ELAVL2: variants seen among roughly 807,000 people sequenced by gnomAD.
ELAVL2 encodes ELAV-like protein 2.
A neutral mutation model predicts 34.6 loss-of-function variants in ELAVL2; 4 were observed. The observed-to-expected ratio is 0.12, with a 90% CI of 0.06 to 0.26. ELAVL2 has a LOEUF of 0.26. ELAVL2 is among the 10% of genes least tolerant of loss of function. ELAVL2 has a pLI of 1.00. For synonymous variants in ELAVL2, 193 were observed against 154.8 expected, an observed-to-expected ratio of 1.25 and a Z score of -1.83; for missense variants, 432 against 442.8, an observed-to-expected ratio of 0.98 and a Z score of 0.22.
chr9:23,778,580 T>A (rs2058590485), intron 1 of ELAVL2, among the ~76,000 whole-genome samples: 1 of 152,170 alleles, frequency 6.6e-6, no homozygotes, highest in Admixed American at 6.5e-5. Context: ...TTCCGGCCCC[T>A]GCAAGGGCTG....
the ELAVL2 span, among the ~76,000 whole-genome samples, chr9:23,844,499 T>C: frequency 1.3e-5 from 2 of 152,034 alleles, no homozygotes; most frequent in African/African-American, 4.8e-5. Context: ...AATTCAAAAG[T>C]CTAGATTTCT....
At chr9:23,736,660 A>G (rs1306753774) in intron 2 of ELAVL2, among the ~76,000 whole-genome samples, 4 of 152,180 alleles carry the variant, frequency 2.6e-5, no homozygotes, top group African/African-American at 9.7e-5. Context: ...CTACCAGCTA[A>G]ATCGGCCCCT....
the ELAVL2 span, among the ~76,000 whole-genome samples, chr9:23,849,072 T>A: frequency 6.6e-6 from 1 of 152,220 alleles, no homozygotes; most frequent in Non-Finnish European, 1.5e-5. Context: ...AACTTAGAAC[T>A]GTTTACATTG....
intron 3 of ELAVL2, among the ~76,000 whole-genome samples, chr9:23,714,976 T>C (rs2041930211): frequency 6.6e-6 from 1 of 152,220 alleles, no homozygotes; most frequent in Admixed American, 6.5e-5. Context: ...GCCAGAGAAC[T>C]AGACTGCCTC....
At chr9:23,741,822 G>A (rs2049275965) in intron 2 of ELAVL2, among the ~76,000 whole-genome samples, 1 of 152,112 alleles carries the variant, frequency 6.6e-6, no homozygotes, top group Admixed American at 6.6e-5. Flanking sequence ...ATTGAAGATG[G>A]TACTTTAGAA....
intron 1 of ELAVL2, among the ~76,000 whole-genome samples, chr9:23,795,974 G>A (rs1205401006): frequency 6.6e-6 from 1 of 152,154 alleles, no homozygotes; most frequent in African/African-American, 2.4e-5. Context: ...TTACTTTCTT[G>A]ATCAATATTG....
chr9:23,694,752 C>G (rs909139728), intron 5 of ELAVL2, among the ~76,000 whole-genome samples: 2 of 152,180 alleles, frequency 1.3e-5, no homozygotes, highest in Admixed American at 6.5e-5. Flanking sequence ...CCCTCAGTCT[C>G]CACTGAAAAT....
chr9:23,736,859 G>C (rs1290554725), intron 2 of ELAVL2, among the ~76,000 whole-genome samples: 8 of 152,064 alleles, frequency 5.3e-5, no homozygotes, highest in Admixed American at 2.0e-4. Context: ...TCAGTTTTTT[G>C]CTCACTTCTA....
chr9:23,792,074 A>C (rs903993943), intron 1 of ELAVL2, among the ~76,000 whole-genome samples: 2 of 152,164 alleles, frequency 1.3e-5, no homozygotes, highest in African/African-American at 4.8e-5. Flanking sequence ...ACAGCACTTC[A>C]AGTAACTACA....
intron 3 of ELAVL2, among the ~76,000 whole-genome samples, chr9:23,730,394 G>C (rs894385823): frequency 2.0e-5 from 3 of 152,200 alleles, no homozygotes; most frequent in African/African-American, 7.2e-5. Context: ...AAAGCAAGCT[G>C]AATTAGCTAG....
chr9:23,744,768 A>C lies in ELAVL2; in HGVS notation c.230-13643T>G, dbSNP rs2050105617. 2.0e-5 allele frequency among the ~76,000 whole-genome samples: 3 copies of C among 152,158 alleles called. No individual in the cohort carries two copies. In the South Asian group the frequency reaches 6.2e-4, roughly 32 times the overall value. ...CCCACGAAAAAAAATAAAAATAAAA[A>C]TAATAATTAAATCTAATAGTAAAGG... is the stretch of plus-strand genomic sequence containing the variant. On this transcript the variant is annotated intron_variant, in intron 2 of 6. Transcript: ENST00000397312.
At chr9:23,741,645 T>TA (rs2049218088) in intron 2 of ELAVL2, among the ~76,000 whole-genome samples, 1 of 152,042 alleles carries the variant, frequency 6.6e-6, no homozygotes, top group Admixed American at 6.6e-5. Flanking sequence ...TCCTCATGAT[T>TA]AGGAGGAGTC....
chr9:23,698,295 A>C (rs927721795), intron 5 of ELAVL2, among the ~76,000 whole-genome samples: 4 of 152,220 alleles, frequency 2.6e-5, no homozygotes, highest in African/African-American at 9.6e-5. Flanking sequence ...GGCTTGTCCT[A>C]TTTTGAAAAC....
At chr9:23,705,556 C>A (rs1587415296) in intron 3 of ELAVL2, among the ~76,000 whole-genome samples, 1 of 152,208 alleles carries the variant, frequency 6.6e-6, no homozygotes, top group Non-Finnish European at 1.5e-5. Context: ...GGGCCAATCC[C>A]CTAGAGCAGT....
chr9:23,761,221 C>A (rs1461524727), intron 2 of ELAVL2, among the ~76,000 whole-genome samples: 1 of 152,088 alleles, frequency 6.6e-6, no homozygotes, highest in Non-Finnish European at 1.5e-5. Context: ...TCCACAGAGT[C>A]TGTCTACCTT....
chr9:23,696,092 A>C (rs1254644968), intron 5 of ELAVL2, among the ~76,000 whole-genome samples: 1 of 152,154 alleles, frequency 6.6e-6, no homozygotes, highest in Non-Finnish European at 1.5e-5. Context: ...TTAGAAAAAA[A>C]TTGGTCCTTT....
chr9:23,807,161 C>G (rs2062344502), intron 1 of ELAVL2, among the ~76,000 whole-genome samples: 1 of 152,190 alleles, frequency 6.6e-6, no homozygotes, highest in Non-Finnish European at 1.5e-5. Context: ...GAGTCCACCT[C>G]TCTGAGGAAA....
At chr9:23,727,247 C>T (rs1215917885) in intron 3 of ELAVL2, among the ~76,000 whole-genome samples, 1 of 151,988 alleles carries the variant, frequency 6.6e-6, no homozygotes, top group Non-Finnish European at 1.5e-5. Context: ...ACCTTTAGGA[C>T]AAGAGAACAA....
intron 1 of ELAVL2, among the ~76,000 whole-genome samples, chr9:23,765,788 C>A (rs962699088): frequency 6.6e-6 from 1 of 152,058 alleles, no homozygotes; most frequent in African/African-American, 2.4e-5. Flanking sequence ...GAGTAATGCT[C>A]GCATAGGATG....
Sources: gnomAD v4.1 joint callset for allele counts (sites outside exome capture counted in the v4.1 genomes callset) on GRCh38, gnomAD v4.1.1 for gene constraint, MANE v1.5 for transcripts, NCBI Gene and HGNC (gene_info 2026-07-23, HGNC 2026-07-21) for gene names.